ZNF586: variants seen among roughly 807,000 people sequenced by gnomAD.
ZNF586 encodes zinc finger protein 586.
A neutral mutation model predicts 6.7 loss-of-function variants in ZNF586; 7 were observed. The observed-to-expected ratio is 1.04, with a 90% confidence interval of 0.59 to 1.95. The LOEUF is 1.95. Among genes scored for constraint, ZNF586 ranks in the 30% most tolerant of loss-of-function variants. ZNF586 has a pLI of 0.00. For synonymous variants in ZNF586, 166 were observed against 168.7 expected (o/e 0.98, Z 0.12); for missense variants, 442 against 489.6 (o/e 0.90, Z 0.92).
At chr19:57,772,648 C>T (rs1987124830) in intron 1 of ZNF586, among the ~76,000 whole-genome samples, 1 of 152,068 alleles carries the variant, frequency 6.6e-6, no homozygotes, top group Non-Finnish European at 1.5e-5. Context: ...GTATTTATTA[C>T]AAAGGTTACA....
intron 2 of ZNF586, among the ~76,000 whole-genome samples, chr19:57,777,913 G>A (rs574573518): frequency 5.0e-4 from 72 of 144,914 alleles, no homozygotes; most frequent in Middle Eastern, 4.0e-3. Flanking sequence ...CCACCACCAC[G>A]CCCGGCTAAT....
rs1276979398 is a variant in ZNF586 at position 57,780,543 on chromosome 19, C to G, written c.*747C>G. 1.3e-5 allele frequency: 2 copies of G among 152,162 alleles called. No individual in the cohort carries two copies. Among genetic ancestry groups the G allele is most frequent in the Non-Finnish European group, 2.9e-5 (2 of 68,038 alleles). The allele number at this position is 152,162 out of a possible 1,614,324, so 9.4% of individuals were successfully genotyped here. On this transcript the variant is annotated 3_prime_UTR_variant, in exon 3 of 3. Transcript: ENST00000396154. ...CTCAGACAGCCTGCCACCTATTGCC[C>G]TGATTTGTGTTATAATAAAGGCCTT... is the stretch of plus-strand genomic sequence containing the variant.
intron 1 of ZNF586, among the ~76,000 whole-genome samples, chr19:57,775,034 C>G (rs1156557092): frequency 1.3e-5 from 2 of 149,264 alleles, no homozygotes; most frequent in African/African-American, 5.0e-5. Context: ...GAGTCTCGCT[C>G]TGTCGCCCAG....
chr19:57,775,997 T>C (rs982762769), intron 1 of ZNF586, among the ~76,000 whole-genome samples: 1 of 152,202 alleles, frequency 6.6e-6, no homozygotes. Context: ...TAATGAACTT[T>C]CGTGATGACT....
chr19:57,770,815 A>C (rs1987076267), intron 1 of ZNF586, among the ~76,000 whole-genome samples: 1 of 151,660 alleles, frequency 6.6e-6, no homozygotes, highest in African/African-American at 2.4e-5. Flanking sequence ...CTAGTCCTTC[A>C]CTGGTCCTCA....
At chr19:57,772,254 A>G (rs764966768) in intron 1 of ZNF586, among the ~76,000 whole-genome samples, 4 of 152,220 alleles carry the variant, frequency 2.6e-5, no homozygotes, top group Non-Finnish European at 5.9e-5. Context: ...AGCAGGTGTA[A>G]TATTCACTGA....
rs371766578 is a variant in ZNF586, at chr19:57,779,544, C to T, written c.957C>T (p.Cys319=). The change falls in exon 3 of 3, where the codon TGC becomes TGT. Residue 319 remains cysteine, a synonymous_variant. Transcript: ENST00000396154. Reference sequence around the variant, plus strand: ...TTCATACTGGAGAAAGGCATGAGTGCGGGCAGTGTGGGAAATCCTTTAGCC... The same window carrying T: ...TTCATACTGGAGAAAGGCATGAGTGTGGGCAGTGTGGGAAATCCTTTAGCC... ...QRVHTGERHE[C]GQCGKSFSRK... 4.8e-5 allele frequency: 77 copies of T among 1,613,712 alleles called. No individual in the cohort carries two copies. The highest frequency in any genetic ancestry group is 5.6e-5 in the Non-Finnish European group (66 of 1,179,936).
In ZNF586 at chr19:57,778,792, C is replaced by G. The variant is rs370825885; in HGVS notation, c.205C>G (p.Gln69Glu). 1 of 1,612,464 alleles carries G rather than the reference C, an allele frequency of 6.2e-7. No individual in the cohort carries two copies. Among genetic ancestry groups the G allele is most frequent in the African/African-American group, 1.3e-5 (1 of 74,828 alleles). ...GGEDEAAPSK[Q>E]STCIHIYKDQ... ...GGAAGATGAGGCAGCACCTTCTAAG[C>G]AGAGCACGTGTATACATATATACAA... The change falls in exon 3 of 3, where the codon CAG becomes GAG. Residue 69 changes from glutamine (Q) to glutamate (E), a missense_variant. Coordinates refer to ENST00000396154, the MANE Select transcript of ZNF586 (RefSeq NM_017652.4).
At chr19:57,775,220 C>T (rs1298172609) in intron 1 of ZNF586, among the ~76,000 whole-genome samples, 1 of 152,166 alleles carries the variant, frequency 6.6e-6, no homozygotes, top group African/African-American at 2.4e-5. Flanking sequence ...TGGTCTCGAT[C>T]TCCTGACCTC....
chr19:57,778,619 A>G, intron 2 of ZNF586, 132 bp from the exon 3 acceptor site: 1 of 791,828 alleles, frequency 1.3e-6, no homozygotes, highest in Non-Finnish European at 2.0e-6. Flanking sequence ...CCCCAACCTC[A>G]ACCTGAACCC....
Position 57,779,533 on chromosome 19 carries a change from A to T in ZNF586, c.946A>T (p.Arg316Trp), listed in dbSNP as rs1007570492. The T allele has an allele frequency of 6.2e-7, 1 of 1,613,950 alleles. No individual in the cohort carries two copies. Among genetic ancestry groups the T allele is most frequent in the Non-Finnish European group, 8.5e-7 (1 of 1,179,988 alleles). ...IHHQRVHTGE[R>W]HECGQCGKSF... ...CCATCAGCGAGTTCATACTGGAGAA[A>T]GGCATGAGTGCGGGCAGTGTGGGAA... Residue 316 changes from arginine to tryptophan, a missense_variant, in exon 3 of 3, where the codon AGG becomes TGG. By Grantham distance (101) the Arg-to-Trp change is moderately radical. Coordinates refer to ENST00000396154, the MANE Select transcript of ZNF586 (RefSeq NM_017652.4).
chr19:57,773,443 G>A (rs1459485411), intron 1 of ZNF586, among the ~76,000 whole-genome samples: 4 of 130,192 alleles, frequency 3.1e-5, no homozygotes, highest in African/African-American at 6.3e-5. Context: ...TTGCTTTGTC[G>A]CCCAGACTAG....
At chr19:57,772,845 T>A (rs2360117) in intron 1 of ZNF586, among the ~76,000 whole-genome samples, 1 of 151,816 alleles carries the variant, frequency 6.6e-6, no homozygotes. Flanking sequence ...TCAGCTTAAC[T>A]TTTGGCCCCC....
At chr19:57,771,300 GAA>G (rs61324595) in intron 1 of ZNF586, among the ~76,000 whole-genome samples, 48,884 of 133,660 alleles carry the variant, frequency 0.37, 8,828 homozygotes, top group Admixed American at 0.46. Context: ...GACTCCGTCT[GAA>G]AAAAAAAAAA....
chr19:57,771,263 T>C (rs867667295), intron 1 of ZNF586, among the ~76,000 whole-genome samples: 74 of 146,738 alleles, frequency 5.0e-4, no homozygotes, highest in Middle Eastern at 3.5e-3. Flanking sequence ...ATCGCGCCAC[T>C]GCACTCCAGC....
In ZNF586 at chr19:57,780,479, G is replaced by C. The variant is rs10419004; in HGVS notation, c.*683G>C. ...TCAGGGATCTTTTGGATCTCACAGAGTTCTTAAGATGGAATTTTCCAGCCT... is the reference window on the plus strand; with the variant it reads ...TCAGGGATCTTTTGGATCTCACAGACTTCTTAAGATGGAATTTTCCAGCCT... On this transcript the variant is annotated 3_prime_UTR_variant, in exon 3 of 3. Coordinates refer to ENST00000396154, the MANE Select transcript of ZNF586 (RefSeq NM_017652.4). 6.6e-6 allele frequency: 1 copy of C among 151,912 alleles called. No individual in the cohort carries two copies. The highest frequency in any genetic ancestry group is 1.5e-5 in the Non-Finnish European group (1 of 67,990). The allele number at this position is 151,912 out of a possible 1,614,324, so 9.4% of individuals were successfully genotyped here.
At chr19:57,770,012 T>A (rs114411987) in intron 1 of ZNF586, 134 bp downstream of exon 1, 27,600 of 842,676 alleles carry the variant, frequency 0.033, 2,335 homozygotes, top group African/African-American at 0.27. Flanking sequence ...GCGGGTGGGA[T>A]CCCTGTTTCC....
rs975425128 is a variant in ZNF586, at chr19:57,769,848, G to T, written c.6G>T (p.Ala2=). M[A]AAAALRAPAQ... is the part of the protein sequence containing the mutation. The stretch of plus-strand genomic sequence containing the variant: ...TTCCCCCCCCGCCCAGAGTCATGGC[G>T]GCAGCAGCCGCTCTGAGGGCGCCTG... The change falls in exon 1 of 3, where the codon GCG becomes GCT. Residue 2 remains alanine, a synonymous_variant. Transcript: ENST00000396154. 1.3e-6 allele frequency: 2 copies of T among 1,543,158 alleles called. No individual in the cohort carries two copies. Among genetic ancestry groups the T allele is most frequent in the Non-Finnish European group, 1.7e-6 (2 of 1,145,546 alleles).
chr19:57,779,157 G>A lies in ZNF586; in HGVS notation c.570G>A (p.Lys190=). Residue 190 remains lysine, a synonymous_variant, in exon 3 of 3, where the codon AAG becomes AAA. Coordinates refer to ENST00000396154, the MANE Select transcript of ZNF586 (RefSeq NM_017652.4). ...CIECGKAFAE[K]SSLINHRKVH... is the part of the protein sequence containing the mutation. ...AATGTGGGAAAGCCTTTGCTGAAAA[G>A]TCCAGTCTCATTAACCACAGGAAAG... The A allele has an allele frequency of 1.2e-6, 2 of 1,613,750 alleles. No homozygotes were observed. The highest frequency in any genetic ancestry group is 2.2e-5 in the South Asian group (2 of 91,064).
Sources: gnomAD v4.1 joint callset for allele counts (sites outside exome capture counted in the v4.1 genomes callset) on GRCh38, gnomAD v4.1.1 for gene constraint, MANE v1.5 for transcripts, NCBI Gene and HGNC (gene_info 2026-07-23, HGNC 2026-07-21) for gene names.